RIN2: variants seen among roughly 807,000 people sequenced by gnomAD.
The protein encoded by RIN2 is Ras and Rab interactor 2.
RIN2 carries 36 observed loss-of-function variants against 78.0 expected under a neutral mutation model. The observed-to-expected ratio is 0.46, with a 90% CI of 0.35 to 0.61. The LOEUF (loss-of-function observed/expected upper bound fraction) is 0.61. RIN2 is among the 20% of genes least tolerant of loss of function. The pLI, the probability that RIN2 is intolerant of heterozygous loss-of-function variation, is 0.00. For synonymous variants in RIN2, 466 were observed against 466.8 expected (o/e 1.00, Z 0.02); for missense variants, 1,087 against 1,159.7 (o/e 0.94, Z 0.91).
At chr20:19,853,008 T>C (rs1190732503) in intron 2 of RIN2, among the ~76,000 whole-genome samples, 1 of 151,370 alleles carries the variant, frequency 6.6e-6, no homozygotes, top group Non-Finnish European at 1.5e-5. Flanking sequence ...ACATTAGGTA[T>C]ATCTCCTAAT....
chr20:19,953,060 C>T (rs927080809), intron 4 of RIN2, among the ~76,000 whole-genome samples: 4 of 152,182 alleles, frequency 2.6e-5, no homozygotes, highest in Non-Finnish European at 4.4e-5. Context: ...GTGACTTTCA[C>T]GCAGGCTCTC....
chr20:19,825,059 C>T (rs747944296), intron 2 of RIN2, among the ~76,000 whole-genome samples: 1 of 152,220 alleles, frequency 6.6e-6, no homozygotes, highest in Non-Finnish European at 1.5e-5. Flanking sequence ...AGTGGGATAA[C>T]TGTGGGGTAT....
At chr20:19,787,353 G>A (rs145239882) in intron 1 of RIN2, among the ~76,000 whole-genome samples, 11,971 of 150,456 alleles carry the variant, frequency 0.08, 470 homozygotes, top group South Asian at 0.11. Flanking sequence ...AACCCAGGAG[G>A]CAGAGGTTGC....
At chr20:19,944,458 T>A (rs2041003995) in intron 4 of RIN2, among the ~76,000 whole-genome samples, 1 of 152,240 alleles carries the variant, frequency 6.6e-6, no homozygotes, top group Non-Finnish European at 1.5e-5. Flanking sequence ...CACAAGACTC[T>A]TGACTTCTGT....
intron 4 of RIN2, among the ~76,000 whole-genome samples, chr20:19,952,603 C>T (rs2041363879): frequency 6.6e-6 from 1 of 152,190 alleles, no homozygotes. Context: ...GCTGAGGTCA[C>T]TTGTCAGAAC....
intron 3 of RIN2, among the ~76,000 whole-genome samples, chr20:19,894,938 G>C (rs924484611): frequency 6.6e-6 from 1 of 152,098 alleles, no homozygotes; most frequent in Admixed American, 6.6e-5. Context: ...TTCAGGCTGT[G>C]CTTCCACTTT....
At chr20:19,883,105 G>C (rs1239355011) in intron 2 of RIN2, among the ~76,000 whole-genome samples, 1 of 152,088 alleles carries the variant, frequency 6.6e-6, no homozygotes, top group Non-Finnish European at 1.5e-5. Context: ...GTAGCCAAGG[G>C]GAAGCCACCC....
chr20:19,879,630 A>G (rs893026206), intron 2 of RIN2, among the ~76,000 whole-genome samples: 3 of 152,164 alleles, frequency 2.0e-5, no homozygotes, highest in Admixed American at 6.5e-5. Context: ...AGCGTGGTCA[A>G]TTTGCTTCAC....
chr20:19,787,378 G>A (rs778682133), intron 1 of RIN2, among the ~76,000 whole-genome samples: 23 of 142,396 alleles, frequency 1.6e-4, no homozygotes, highest in Admixed American at 3.7e-4. Flanking sequence ...AGCTGAGATC[G>A]CACCAGTGCA....
intron 2 of RIN2, among the ~76,000 whole-genome samples, chr20:19,869,143 A>G (rs1197040654): frequency 6.6e-6 from 1 of 150,824 alleles, no homozygotes; most frequent in East Asian, 2.0e-4. Flanking sequence ...ACAGAGACTG[A>G]GTGATGTATA....
intron 2 of RIN2, 176 bp from the exon 3 acceptor site, chr20:19,889,390 G>A (rs2038339137): frequency 8.4e-6 from 10 of 1,195,702 alleles, no homozygotes; most frequent in African/African-American, 6.2e-5. Context: ...TAGGAACTGC[G>A]CTGGTGGGGA....
intron 4 of RIN2, among the ~76,000 whole-genome samples, chr20:19,946,438 G>A (rs953884044): frequency 6.6e-5 from 10 of 152,168 alleles, no homozygotes; most frequent in African/African-American, 1.7e-4. Context: ...TTCCCAGGCC[G>A]GCGCCGGGGT....
chr20:19,983,889 G>A (rs80212405), intron 9 of RIN2, among the ~76,000 whole-genome samples: 1 of 61,974 alleles, frequency 1.6e-5, no homozygotes, highest in Non-Finnish European at 2.6e-5. Flanking sequence ...TACATTTTTT[G>A]TTTATTATTA....
At chr20:19,833,302 C>G (rs1217907942) in intron 2 of RIN2, among the ~76,000 whole-genome samples, 1 of 146,088 alleles carries the variant, frequency 6.8e-6, no homozygotes, top group Non-Finnish European at 1.5e-5. Context: ...TATATTTTAA[C>G]TTTAAGTTCC....
At chr20:19,954,936 A>G (rs1404001581) in intron 4 of RIN2, among the ~76,000 whole-genome samples, 1 of 152,196 alleles carries the variant, frequency 6.6e-6, no homozygotes, top group Non-Finnish European at 1.5e-5. Flanking sequence ...GGATGTCAAT[A>G]TGGTTTGGTC....
intron 1 of RIN2, among the ~76,000 whole-genome samples, chr20:19,764,809 A>G (rs901889389): frequency 6.6e-6 from 1 of 151,544 alleles, no homozygotes; most frequent in East Asian, 1.9e-4. Flanking sequence ...CTTTTTCCCC[A>G]TAGTTTTCCC....
At chr20:19,830,258 T>G (rs1474782877) in intron 2 of RIN2, among the ~76,000 whole-genome samples, 1 of 146,628 alleles carries the variant, frequency 6.8e-6, no homozygotes, top group African/African-American at 2.6e-5. Flanking sequence ...CTAACTAGCT[T>G]CACATTTTTT....
At chr20:19,985,822 G>A (rs969621211) in intron 9 of RIN2, among the ~76,000 whole-genome samples, 2 of 152,180 alleles carry the variant, frequency 1.3e-5, no homozygotes, top group African/African-American at 4.8e-5. Flanking sequence ...GATGAATACA[G>A]TTGACATTAC....
At chr20:19,917,129 C>T (rs1361249039) in intron 3 of RIN2, among the ~76,000 whole-genome samples, 2 of 149,950 alleles carry the variant, frequency 1.3e-5, no homozygotes, top group Admixed American at 6.6e-5. Context: ...AAAAGGCAGG[C>T]GGAGTGGGTA....
Sources: gnomAD v4.1 joint callset for allele counts (sites outside exome capture counted in the v4.1 genomes callset) on GRCh38, gnomAD v4.1.1 for gene constraint, MANE v1.5 for transcripts, NCBI Gene and HGNC (gene_info 2026-07-23, HGNC 2026-07-21) for gene names.